DOCK4: variants seen among roughly 807,000 people sequenced by gnomAD.
DOCK4 encodes dedicator of cytokinesis 4, also known as dedicator of cytokinesis protein 4.
Under a neutral mutation model 268.1 loss-of-function variants are expected in DOCK4, and 97 were observed. The ratio of observed to expected loss-of-function variants is 0.36; its 90% CI spans 0.31 to 0.43. DOCK4 has a LOEUF of 0.43. Ranked by LOEUF, DOCK4 falls within the 20% of genes least tolerant of loss-of-function variation. DOCK4 has a pLI of 1.00. For synonymous variants in DOCK4, 954 were observed against 887.2 expected, an observed-to-expected ratio of 1.08 and a Z score of -1.34; for missense variants, 2,145 against 2,455.7, an observed-to-expected ratio of 0.87 and a Z score of 2.67.
chr7:112,099,343 G>A (rs1483451615), intron 1 of DOCK4, among the ~76,000 whole-genome samples: 1 of 150,494 alleles, frequency 6.6e-6, no homozygotes, highest in African/African-American at 2.4e-5. Context: ...CCCTGTATTG[G>A]CAATGGCCAA....
intron 1 of DOCK4, among the ~76,000 whole-genome samples, chr7:112,130,976 C>A (rs183287365): frequency 1.3e-5 from 2 of 152,188 alleles, no homozygotes; most frequent in African/African-American, 4.8e-5. Flanking sequence ...GTATTTTAGA[C>A]AATAAATAGG....
At chr7:111,861,852 A>G (rs1476467291) in intron 23 of DOCK4, among the ~76,000 whole-genome samples, 1 of 151,774 alleles carries the variant, frequency 6.6e-6, no homozygotes, top group Admixed American at 6.6e-5. Context: ...AAAAATTTGT[A>G]AAGAAGAAAA....
chr7:112,160,491 A>C (rs1027871282), intron 1 of DOCK4, among the ~76,000 whole-genome samples: 4 of 152,182 alleles, frequency 2.6e-5, no homozygotes, highest in Non-Finnish European at 4.4e-5. Flanking sequence ...ATTTGATGCA[A>C]GCTCTGAGGG....
intron 1 of DOCK4, among the ~76,000 whole-genome samples, chr7:112,100,560 G>C (rs548342050): frequency 1.3e-5 from 2 of 152,306 alleles, no homozygotes; most frequent in African/African-American, 4.8e-5. Flanking sequence ...ACATCTACGA[G>C]AAAGCTTTTC....
In DOCK4 at chr7:111,942,961, T is replaced by C. The variant is rs575154568; in HGVS notation, c.844+1850A>G. Among the ~76,000 whole-genome samples, 84 of 152,326 alleles carry C rather than the reference T, an allele frequency of 5.5e-4. 1 individual carries two copies. Among genetic ancestry groups the C allele is most frequent in the Non-Finnish European group, 2.9e-5 (2 of 68,034 alleles). On this transcript the variant is annotated intron_variant, in intron 10 of 52. Transcript: ENST00000428084. ...TTTGAGTGCTATTTCTTTGTGGCAC[T>C]GAGGAACAAGCATTTTGCATTTCTA...
intron 23 of DOCK4, among the ~76,000 whole-genome samples, chr7:111,859,085 C>T (rs1195555014): frequency 6.6e-6 from 1 of 152,172 alleles, no homozygotes; most frequent in East Asian, 1.9e-4. Context: ...GTGGTGCGAT[C>T]ATGGCTTACT....
chr7:111,785,052 C>G (rs1488886293), intron 32 of DOCK4, among the ~76,000 whole-genome samples: 3 of 152,116 alleles, frequency 2.0e-5, no homozygotes, highest in South Asian at 2.1e-4. Context: ...TCCATCATCC[C>G]CTACCTCTTT....
intron 23 of DOCK4, among the ~76,000 whole-genome samples, chr7:111,858,205 A>G (rs1805171475): frequency 6.6e-6 from 1 of 152,098 alleles, no homozygotes; most frequent in African/African-American, 2.4e-5. Flanking sequence ...TGACATTCAC[A>G]TATGTCCTTC....
intron 1 of DOCK4, among the ~76,000 whole-genome samples, chr7:112,035,314 T>C (rs1299713107): frequency 2.6e-5 from 4 of 151,272 alleles, no homozygotes; most frequent in Admixed American, 2.0e-4. Context: ...AAAAATATAC[T>C]ACAAAAAGAA....
In DOCK4 at chr7:111,767,227, C is replaced by CTTTTTTTTTT. The variant is rs372483378; in HGVS notation, c.3829-119_3829-110dup. 21 of 465,660 alleles carry CTTTTTTTTTT rather than the reference C, an allele frequency of 4.5e-5. 2 individuals are homozygous for CTTTTTTTTTT. Among genetic ancestry groups the CTTTTTTTTTT allele is most frequent in the African/African-American group, 3.1e-4 (12 of 39,016 alleles). The allele number at this position is 465,660 out of a possible 1,614,324, so 28.8% of individuals were successfully genotyped here. On this transcript the variant is annotated intron_variant, in intron 37 of 52. Transcript: ENST00000428084. ...AGAGCACCAAGCCTTACTCCTTAAT[C>CTTTTTTTTTT]TTTTTTTTTTTTTTTTTTGAGATGG...
intron 50 of DOCK4, 89 bp downstream of exon 50, chr7:111,736,828 C>CT (rs1380788015): frequency 1.7e-6 from 2 of 1,205,378 alleles, no homozygotes; most frequent in African/African-American, 3.0e-5. Context: ...TAGAGCACTG[C>CT]TTTCCACACA....
intron 36 of DOCK4, among the ~76,000 whole-genome samples, chr7:111,775,243 T>G (rs1206038557): frequency 6.6e-6 from 1 of 152,162 alleles, no homozygotes; most frequent in African/African-American, 2.4e-5. Context: ...ATGAGTAAAT[T>G]CTGGGAACAG....
chr7:111,892,789 A>C (rs1412294108), intron 16 of DOCK4, among the ~76,000 whole-genome samples: 1 of 152,236 alleles, frequency 6.6e-6, no homozygotes, highest in Non-Finnish European at 1.5e-5. Flanking sequence ...CATAAACTAC[A>C]AGTGGCCATA....
chr7:111,940,050 A>G (rs1179766957), intron 11 of DOCK4, 60 bp downstream of exon 11: 1 of 1,575,430 alleles, frequency 6.3e-7, no homozygotes, highest in Non-Finnish European at 8.7e-7. Flanking sequence ...CATTCGCCCA[A>G]GTAGGACCCA....
chr7:111,901,929 T>C, intron 13 of DOCK4, 128 bp from the exon 14 acceptor site: 1 of 681,276 alleles, frequency 1.5e-6, no homozygotes, highest in Non-Finnish European at 2.3e-6. Context: ...CAAATATATT[T>C]GCATTTTTAT....
At chr7:111,778,102 G>A (rs1265452424) in intron 36 of DOCK4, among the ~76,000 whole-genome samples, 174 bp downstream of exon 36, 3 of 152,074 alleles carry the variant, frequency 2.0e-5, no homozygotes, top group Non-Finnish European at 4.4e-5. Context: ...CTACATGTAT[G>A]TATCATGTAT....
intron 31 of DOCK4, chr7:111,789,279 T>C (rs1186545838): frequency 6.5e-6 from 1 of 154,772 alleles, no homozygotes; most frequent in Non-Finnish European, 1.4e-5. Flanking sequence ...AAGTCAGCAA[T>C]AAGCAGCAAG....
At chr7:111,792,514 C>G (rs570341402) in intron 30 of DOCK4, among the ~76,000 whole-genome samples, 1 of 152,242 alleles carries the variant, frequency 6.6e-6, no homozygotes, top group South Asian at 2.1e-4. Context: ...TCCTGAGTAG[C>G]TAGGGTTACA....
chr7:111,868,003 C>T lies in DOCK4; in HGVS notation c.2261G>A (p.Gly754Glu). Residue 754 changes from glycine to glutamate, a missense_variant, in exon 22 of 53, where the codon GGA (glycine) becomes GAA (glutamate). Gly to Glu is a moderately conservative substitution (Grantham distance 98). Transcript: ENST00000428084. ...AATTACCTGTGACTGAGATAATGCT[C>T]CAGACCCTTTGCTCTCTTGCGAAAG... is the stretch of plus-strand genomic sequence containing the variant. ...FFLSQESKGSGALSQSQAVFL... is the reference protein window; with the variant it reads ...FFLSQESKGSEALSQSQAVFL... The T allele has an allele frequency of 6.2e-7, 1 of 1,609,978 alleles. No individual in the cohort carries two copies. Among genetic ancestry groups the T allele is most frequent in the Non-Finnish European group, 8.5e-7 (1 of 1,178,414 alleles).
Sources: gnomAD v4.1 joint callset for allele counts (sites outside exome capture counted in the v4.1 genomes callset) on GRCh38, gnomAD v4.1.1 for gene constraint, MANE v1.5 for transcripts, NCBI Gene and HGNC (gene_info 2026-07-23, HGNC 2026-07-21) for gene names.